The following ATP10A variants were observed in gnomAD, a reference collection of about 807,000 sequenced individuals.
ATP10A encodes phospholipid-transporting ATPase VA.
In ATP10A, 111 loss-of-function variants were observed where a neutral mutation model predicts 147.8. The ratio of observed to expected loss-of-function variants is 0.75; its 90% CI spans 0.64 to 0.88. The LOEUF is 0.88. Ranked by LOEUF, ATP10A falls within the 40% of genes least tolerant of loss-of-function variation. The pLI is 0.00. For missense variants in ATP10A, 1,927 were observed against 1,959.0 expected (o/e 0.98, Z 0.31); for synonymous variants, 875 against 841.6 (o/e 1.04, Z -0.69).
intron 1 of ATP10A, among the ~76,000 whole-genome samples, chr15:25,811,690 T>C (rs1891438964): frequency 6.6e-6 from 1 of 152,158 alleles, no homozygotes. Flanking sequence ...GAGAAAACGC[T>C]GGGAGCCCAG....
intron 1 of ATP10A, among the ~76,000 whole-genome samples, chr15:25,841,073 C>T (rs976801430): frequency 3.3e-5 from 5 of 152,066 alleles, no homozygotes; most frequent in African/African-American, 1.2e-4. Context: ...TGCAAATATT[C>T]TCTCTCGTCT....
At chr15:25,775,820 G>A (rs1889579452) in intron 2 of ATP10A, among the ~76,000 whole-genome samples, 1 of 152,226 alleles carries the variant, frequency 6.6e-6, no homozygotes. Flanking sequence ...ACACTGACGT[G>A]TCCTCTGGGT....
chr15:25,833,647 A>G (rs1480179603), intron 1 of ATP10A, among the ~76,000 whole-genome samples: 5 of 152,192 alleles, frequency 3.3e-5, no homozygotes, highest in African/African-American at 1.2e-4. Context: ...TTACTCCTGC[A>G]TACTTCATGG....
chr15:25,788,301 T>C (rs1484242188), intron 1 of ATP10A, among the ~76,000 whole-genome samples: 3 of 152,244 alleles, frequency 2.0e-5, no homozygotes, highest in African/African-American at 4.8e-5. Context: ...CTCAAGTGCA[T>C]TGATGACTCA....
chr15:25,749,237 G>A (rs1237438271), intron 2 of ATP10A, among the ~76,000 whole-genome samples: 5 of 152,074 alleles, frequency 3.3e-5, no homozygotes, highest in African/African-American at 9.7e-5. Flanking sequence ...TTTGTAATAA[G>A]CTAACAAAAT....
At chr15:25,707,578 C>T (rs939237115) in intron 12 of ATP10A, among the ~76,000 whole-genome samples, 4 of 152,178 alleles carry the variant, frequency 2.6e-5, no homozygotes, top group Admixed American at 2.6e-4. Flanking sequence ...ATTTTCTTTT[C>T]ATTCACCTCG....
chr15:25,760,142 A>G (rs947806464), intron 2 of ATP10A, among the ~76,000 whole-genome samples: 3 of 152,096 alleles, frequency 2.0e-5, no homozygotes, highest in Non-Finnish European at 2.9e-5. Context: ...TTTTCAAAAA[A>G]CTTTTGACCG....
chr15:25,839,394 G>A (rs1033493736), intron 1 of ATP10A, among the ~76,000 whole-genome samples: 2 of 152,050 alleles, frequency 1.3e-5, no homozygotes, highest in African/African-American at 2.4e-5. Context: ...GGCCAGGTCT[G>A]GGGGAAAAAA....
At chr15:25,803,502 T>C (rs1285192244) in intron 1 of ATP10A, among the ~76,000 whole-genome samples, 1 of 152,160 alleles carries the variant, frequency 6.6e-6, no homozygotes, top group South Asian at 2.1e-4. Context: ...AGAACTGAAA[T>C]GAGGAGCCCA....
chr15:25,718,533 T>C (rs1455295358), intron 7 of ATP10A, 134 bp from the exon 8 acceptor site: 2 of 870,472 alleles, frequency 2.3e-6, no homozygotes, highest in Non-Finnish European at 3.5e-6. Flanking sequence ...CCTTGCTCTC[T>C]AATAGCAAGG....
chr15:25,725,350 G>T (rs1902478522), intron 5 of ATP10A, among the ~76,000 whole-genome samples: 1 of 152,168 alleles, frequency 6.6e-6, no homozygotes, highest in South Asian at 2.1e-4. Flanking sequence ...ATAGAGGAGG[G>T]TATAGGTAGG....
At chr15:25,766,175 G>A (rs1399516972) in intron 2 of ATP10A, among the ~76,000 whole-genome samples, 4 of 152,106 alleles carry the variant, frequency 2.6e-5, no homozygotes, top group East Asian at 1.9e-4. Flanking sequence ...TCACTGTCAC[G>A]AGAATAGCAC....
chr15:25,812,780 T>C (rs1454643266), intron 1 of ATP10A, among the ~76,000 whole-genome samples: 9 of 152,336 alleles, frequency 5.9e-5, no homozygotes, highest in South Asian at 2.1e-4. Context: ...CTGAGTGGGA[T>C]TGTTAGAAGG....
intron 14 of ATP10A, among the ~76,000 whole-genome samples, chr15:25,694,133 T>C (rs1388924811): frequency 6.6e-6 from 1 of 152,164 alleles, no homozygotes; most frequent in East Asian, 1.9e-4. Context: ...GCACTAGAAG[T>C]GGGCAGAGAG....
chr15:25,689,582 C>T lies in ATP10A; in HGVS notation c.3166-1754G>A, dbSNP rs536829654. 2.6e-5 allele frequency among the ~76,000 whole-genome samples: 4 copies of T among 152,308 alleles called. No individual in the cohort carries two copies. The South Asian group carries it at 8.3e-4, about 32-fold the overall frequency. ...CTGACTAAAATGCAAGCAACAGGGT[C>T]CCAGTGCTGGAAAACCCAAGTGCAT... On this transcript the variant is annotated intron_variant, in intron 15 of 20. Transcript: ENST00000555815.
In ATP10A at chr15:25,679,652, C is replaced by A; in HGVS notation, c.4189G>T (p.Ala1397Ser). ...GLSAPAPMSS[A>S]PGEAVLRSPG... ...CTCCTCAGGACAGCCTCCCCTGGCG[C>A]AGAGGACATGGGGGCCGGTGCGCTC... The change falls in exon 21 of 21, where the codon GCG becomes TCG. Residue 1397 changes from alanine (A) to serine (S), a missense_variant. Physicochemically the swap from Ala to Ser is moderately conservative, Grantham distance 99 (BLOSUM62 1). Transcript: ENST00000555815. 2 of 1,613,362 alleles carry A rather than the reference C, an allele frequency of 1.2e-6. No individual in the cohort carries two copies. Among genetic ancestry groups the A allele is most frequent in the Non-Finnish European group, 1.7e-6 (2 of 1,179,996 alleles).
chr15:25,813,094 G>A (rs1455961249), intron 1 of ATP10A, among the ~76,000 whole-genome samples: 3 of 152,180 alleles, frequency 2.0e-5, no homozygotes, highest in Non-Finnish European at 4.4e-5. Flanking sequence ...AGCTCTAGTT[G>A]TCTCTGGAGG....
chr15:25,707,456 T>A (rs1005439901), intron 12 of ATP10A, among the ~76,000 whole-genome samples: 2 of 152,196 alleles, frequency 1.3e-5, no homozygotes, highest in Non-Finnish European at 2.9e-5. Flanking sequence ...AGTATTAAAG[T>A]AAGCATTAAC....
intron 2 of ATP10A, among the ~76,000 whole-genome samples, chr15:25,749,050 G>A (rs1888005361): frequency 8.0e-6 from 1 of 124,714 alleles, no homozygotes; most frequent in Non-Finnish European, 1.6e-5. Context: ...GCAACAGAGT[G>A]AGACTCTGTC....
Sources: allele counts gnomAD v4.1 joint callset (sites outside exome capture counted in the v4.1 genomes callset), GRCh38; gene constraint gnomAD v4.1.1; transcripts MANE v1.5; gene names NCBI Gene and HGNC (gene_info 2026-07-23, HGNC 2026-07-21).